The following N4BP2 variants were observed in gnomAD, a reference collection of about 807,000 sequenced individuals.
N4BP2 encodes NEDD4 binding protein 2, also known as NEDD4-binding protein 2.
In N4BP2, 91 loss-of-function variants were observed where a neutral mutation model predicts 152.8. The observed-to-expected ratio is 0.60, with a 90% CI of 0.50 to 0.71. The LOEUF (loss-of-function observed/expected upper bound fraction) is 0.71, where lower values mean the gene tolerates loss of function less well. Among genes scored for constraint, N4BP2 ranks in the 30% least tolerant of loss-of-function variants. The pLI, the probability that N4BP2 is intolerant of heterozygous loss-of-function variation, is 0.00. For missense variants in N4BP2, 1,923 were observed against 2,059.1 expected (o/e 0.93, Z 1.28); for synonymous variants, 646 against 705.3 (o/e 0.92, Z 1.33).
intron 1 of N4BP2, among the ~76,000 whole-genome samples, chr4:40,072,131 G>A (rs1712249966): frequency 6.6e-6 from 1 of 151,614 alleles, no homozygotes; most frequent in South Asian, 2.1e-4. Flanking sequence ...CTGGAGTGCG[G>A]TGGCACAATC....
intron 14 of N4BP2, among the ~76,000 whole-genome samples, chr4:40,141,400 T>C (rs1719941274): frequency 6.6e-6 from 1 of 150,854 alleles, no homozygotes; most frequent in African/African-American, 2.5e-5. Flanking sequence ...GCTCCTCACC[T>C]CCCAGACGGG....
At chr4:40,110,415 C>T (rs749231306) in intron 5 of N4BP2, among the ~76,000 whole-genome samples, 3 of 152,106 alleles carry the variant, frequency 2.0e-5, no homozygotes, top group Non-Finnish European at 4.4e-5. Flanking sequence ...TGTTATTGTC[C>T]GTTTTTTTGA....
At chr4:40,119,410 A>G (rs1160233869) in intron 8 of N4BP2, among the ~76,000 whole-genome samples, 1 of 152,246 alleles carries the variant, frequency 6.6e-6, no homozygotes, top group Admixed American at 6.5e-5. Flanking sequence ...ATTAACATTA[A>G]GTATGGCTTT....
At chr4:40,126,010 A>G (rs1560621974) in intron 11 of N4BP2, 124 bp from the exon 12 acceptor site, 5 of 529,902 alleles carry the variant, frequency 9.4e-6, no homozygotes, top group Non-Finnish European at 1.6e-5. Context: ...GAGTTGTGTT[A>G]TATTTACAAA....
At chr4:40,183,936 G>A in the N4BP2 span, among the ~76,000 whole-genome samples, 1 of 152,176 alleles carries the variant, frequency 6.6e-6, no homozygotes, top group Admixed American at 6.5e-5. Flanking sequence ...GCTCCTGCCC[G>A]TGTCTACTTT....
intron 12 of N4BP2, among the ~76,000 whole-genome samples, chr4:40,126,778 G>A (rs558637431): frequency 4.3e-4 from 66 of 152,116 alleles, no homozygotes; most frequent in African/African-American, 1.5e-3. Flanking sequence ...TATTTTTGGA[G>A]ATGGAGTCTC....
chr4:40,154,871 G>A lies in N4BP2; in HGVS notation c.*634G>A, dbSNP rs370631106. 3.9e-5 allele frequency: 6 copies of A among 152,152 alleles called. No individual in the cohort carries two copies. Among genetic ancestry groups the A allele is most frequent in the African/African-American group, 1.4e-4 (6 of 41,430 alleles). 9.4% of individuals were successfully genotyped at this position (152,152 alleles called of 1,614,324 possible). A position where few individuals can be genotyped will look rare whatever the true frequency, so the allele number is the denominator to read the frequency against. On this transcript the variant is annotated 3_prime_UTR_variant, in exon 18 of 18. Transcript: ENST00000261435. ...GTGCATTTTATGGAAAGAAAGTTGG[G>A]TCTGAGATTATATTGTAATTTTATA...
At chr4:40,104,117 T>A (rs1295339932) in intron 4 of N4BP2, among the ~76,000 whole-genome samples, 1 of 152,046 alleles carries the variant, frequency 6.6e-6, no homozygotes, top group Non-Finnish European at 1.5e-5. Context: ...CACGCCCAGC[T>A]ACTTTTTTGT....
chr4:40,105,769 T>A (rs1716215944), intron 4 of N4BP2, among the ~76,000 whole-genome samples: 1 of 152,102 alleles, frequency 6.6e-6, no homozygotes. Context: ...CAGGCTCATC[T>A]CAAACTCCTG....
In N4BP2 at chr4:40,090,277, T is replaced by C. The variant is rs187876705; in HGVS notation, c.-114-6950T>C. Among the ~76,000 whole-genome samples the C allele has an allele frequency of 1.4e-3, 211 of 152,346 alleles. 1 individual carries two copies. Among genetic ancestry groups the C allele is most frequent in the African/African-American group, 4.8e-3 (199 of 41,576 alleles). On this transcript the variant is annotated intron_variant, in intron 2 of 17. Transcript: ENST00000261435. The stretch of plus-strand genomic sequence containing the variant: ...TACCTATTTTAGTTCCTTTGTCTTA[T>C]CAATTTTAGAATAATTTTATCTATA...
At chr4:40,141,066 G>A (rs1719883852) in intron 14 of N4BP2, among the ~76,000 whole-genome samples, 2 of 151,644 alleles carry the variant, frequency 1.3e-5, no homozygotes, top group African/African-American at 2.4e-5. Flanking sequence ...CCACAAAACC[G>A]CCATTGTCAT....
At chr4:40,175,538 T>A in the N4BP2 span, among the ~76,000 whole-genome samples, 1 of 152,044 alleles carries the variant, frequency 6.6e-6, no homozygotes, top group Non-Finnish European at 1.5e-5. Flanking sequence ...GAAAAACAAC[T>A]GGCGGGTCAC....
In N4BP2 at chr4:40,156,901, A is replaced by G. The variant is rs911030322; in HGVS notation, c.*2664A>G. 2.6e-5 allele frequency: 4 copies of G among 152,172 alleles called. No individual in the cohort carries two copies. Among genetic ancestry groups the G allele is most frequent in the African/African-American group, 9.7e-5 (4 of 41,442 alleles). The allele number at this position is 152,172 out of a possible 1,614,324, so 9.4% of individuals were successfully genotyped here. A position where few individuals can be genotyped will look rare whatever the true frequency, so the allele number is the denominator to read the frequency against. ...TCCCCCCAAACCCCAGCAATCCAAA[A>G]CACTTCTGGTCCTAAGCATTTTGAG... On this transcript the variant is annotated 3_prime_UTR_variant, in exon 18 of 18. Transcript: ENST00000261435.
chr4:40,118,078 G>A, intron 8 of N4BP2, 54 bp downstream of exon 8: 1 of 1,396,598 alleles, frequency 7.2e-7, no homozygotes, highest in South Asian at 1.5e-5. Context: ...ATTTTTAAAA[G>A]GTATAATTTT....
chr4:40,138,294 G>A (rs1228533167), intron 14 of N4BP2, among the ~76,000 whole-genome samples: 1 of 152,060 alleles, frequency 6.6e-6, no homozygotes, highest in African/African-American at 2.4e-5. Flanking sequence ...TGTCTTTATT[G>A]TTGAGTTGTA....
chr4:40,105,992 G>C (rs1296501471), intron 4 of N4BP2, among the ~76,000 whole-genome samples: 1 of 152,218 alleles, frequency 6.6e-6, no homozygotes, highest in Admixed American at 6.5e-5. Flanking sequence ...TAAGCTCCAT[G>C]AGTGCAAGCT....
chr4:40,142,055 C>T (rs532450989), intron 14 of N4BP2: 2,690 of 154,888 alleles, frequency 0.017, 34 homozygotes, highest in Non-Finnish European at 0.027. Context: ...CCAGCTTCGG[C>T]TCGGTATCAG....
chr4:40,106,785 G>C, intron 4 of N4BP2, 115 bp from the exon 5 acceptor site: 1 of 982,894 alleles, frequency 1.0e-6, no homozygotes. Context: ...CTGGCCTCAA[G>C]TGATCCACAA....
At chr4:40,149,240 A>G (rs1459506185) in intron 16 of N4BP2, among the ~76,000 whole-genome samples, 1 of 152,236 alleles carries the variant, frequency 6.6e-6, no homozygotes, top group Non-Finnish European at 1.5e-5. Flanking sequence ...AAATGTGGTA[A>G]ATCTATACAA....
Sources: gnomAD v4.1 joint callset for allele counts (sites outside exome capture counted in the v4.1 genomes callset) on GRCh38, gnomAD v4.1.1 for gene constraint, MANE v1.5 for transcripts, NCBI Gene and HGNC (gene_info 2026-07-23, HGNC 2026-07-21) for gene names.